Variants in SLC5A1 observed in about 807,000 individuals in gnomAD.
SLC5A1 encodes sodium/glucose cotransporter 1.
In SLC5A1, 42 loss-of-function variants were observed where a neutral mutation model predicts 73.5. The observed-to-expected ratio is 0.57, with a 90% CI of 0.45 to 0.74. The LOEUF is 0.74. Ranked by LOEUF, SLC5A1 falls within the 30% of genes least tolerant of loss-of-function variation. SLC5A1 has a pLI of 0.00. For synonymous variants in SLC5A1, 300 were observed against 317.4 expected (o/e 0.95, Z 0.58); for missense variants, 634 against 855.4 (o/e 0.74, Z 3.23).
intron 5 of SLC5A1, among the ~76,000 whole-genome samples, chr22:32,078,696 T>C (rs550884260): frequency 2.6e-5 from 4 of 152,252 alleles, no homozygotes; most frequent in Admixed American, 2.6e-4. Flanking sequence ...GGCTCAGGCC[T>C]GTAATCCCAG....
In SLC5A1 at chr22:32,112,744, T is replaced by A. The variant is rs1459508646; in HGVS notation, c.*2531T>A. The A allele has an allele frequency of 6.6e-6, 1 of 152,080 alleles. No individual in the cohort carries two copies. The highest frequency in any genetic ancestry group is 2.4e-5 in the African/African-American group (1 of 41,410). 9.4% of individuals were successfully genotyped at this position (152,080 alleles called of 1,614,324 possible). A position where few individuals can be genotyped will look rare whatever the true frequency, so the allele number is the denominator to read the frequency against. ...ATCAAGGGCTGGGGGAGGGAGGGAC[T>A]GGGGAGATGTTGGTCAAATGATACA... On this transcript the variant is annotated 3_prime_UTR_variant, in exon 15 of 15. Coordinates refer to ENST00000266088, the MANE Select transcript of SLC5A1 (RefSeq NM_000343.4).
chr22:32,049,203 A>G (rs986022443), intron 1 of SLC5A1, among the ~76,000 whole-genome samples: 8 of 140,190 alleles, frequency 5.7e-5, no homozygotes, highest in African/African-American at 5.2e-5. Context: ...ATCTATATCT[A>G]TATCTATATC....
intron 10 of SLC5A1, 126 bp downstream of exon 10, chr22:32,086,453 G>T: frequency 1.4e-6 from 1 of 726,530 alleles, no homozygotes; most frequent in Non-Finnish European, 2.5e-6. Context: ...AGAAGGGAAA[G>T]CATCATTGTG....
intron 2 of SLC5A1, 80 bp downstream of exon 2, chr22:32,050,094 G>A: frequency 7.9e-7 from 1 of 1,264,258 alleles, no homozygotes; most frequent in Admixed American, 1.7e-5. Context: ...CTTGGCTTTG[G>A]GTGGTGGTGA....
chr22:32,110,284 G>A lies in SLC5A1; in HGVS notation c.*71G>A. On this transcript the variant is annotated 3_prime_UTR_variant, in exon 15 of 15. Transcript: ENST00000266088. ...CCTTCCTTTAGTCTCGTCCTGTGGTGTTGAAGGGAAATCAGCCAGTTGTAA... is the reference window on the plus strand; with the variant it reads ...CCTTCCTTTAGTCTCGTCCTGTGGTATTGAAGGGAAATCAGCCAGTTGTAA... The A allele has an allele frequency of 8.1e-7, 1 of 1,240,476 alleles. No homozygotes were observed. The highest frequency in any genetic ancestry group is 1.2e-6 in the Non-Finnish European group (1 of 845,152). 76.8% of individuals were successfully genotyped at this position (1,240,476 alleles called of 1,614,324 possible).
intron 2 of SLC5A1, among the ~76,000 whole-genome samples, chr22:32,054,339 T>C (rs1014146027): frequency 6.6e-6 from 1 of 152,200 alleles, no homozygotes; most frequent in African/African-American, 2.4e-5. Context: ...CATGTGCATG[T>C]GTGTGTTTAT....
chr22:32,073,593 G>A (rs975404472), intron 5 of SLC5A1, among the ~76,000 whole-genome samples: 6 of 151,918 alleles, frequency 3.9e-5, no homozygotes, highest in Admixed American at 6.5e-5. Flanking sequence ...TTTCACTCTC[G>A]TTGCCCAGGC....
intron 1 of SLC5A1, among the ~76,000 whole-genome samples, chr22:32,049,717 C>T (rs2093942754): frequency 6.6e-6 from 1 of 152,088 alleles, no homozygotes. Context: ...ACTAGCCCTA[C>T]AGTAAGCTGT....
Position 32,110,133 on chromosome 22 carries a change from C to A in SLC5A1, c.1915C>A (p.Pro639Thr), listed in dbSNP as rs200684333. 1.9e-5 allele frequency: 30 copies of A among 1,614,016 alleles called. No homozygotes were observed. The Admixed American group carries it at 4.7e-4, about 25-fold the overall frequency. ...KMKMTDTSEK[P>T]LWRTVLNVNG... ...GAAGATGACGGACACCTCTGAGAAG[C>A]CTTTGTGGAGGACAGTGTTGAACGT... The change falls in exon 15 of 15, where the codon CCT becomes ACT. Residue 639 changes from proline to threonine, a missense_variant. Coordinates refer to ENST00000266088, the MANE Select transcript of SLC5A1 (RefSeq NM_000343.4).
At chr22:32,095,984 A>C (rs190759155) in intron 11 of SLC5A1, among the ~76,000 whole-genome samples, 96 of 152,242 alleles carry the variant, frequency 6.3e-4, no homozygotes, top group African/African-American at 2.3e-3. Flanking sequence ...CCTTTCCCAC[A>C]TTCACAGTTT....
At chr22:32,066,911 C>G (rs747401826) in intron 2 of SLC5A1, 24 bp from the exon 3 acceptor site, 2 of 1,556,488 alleles carry the variant, frequency 1.3e-6, no homozygotes, top group South Asian at 1.1e-5. Context: ...AGAGCCCTCA[C>G]CTGACTTTCT....
chr22:32,091,843 GT>G (rs1263519752), intron 11 of SLC5A1, 81 bp downstream of exon 11: 2 of 1,414,434 alleles, frequency 1.4e-6, no homozygotes, highest in African/African-American at 2.8e-5. Flanking sequence ...GCTAGGGAAG[GT>G]TGGCAGATGC....
chr22:32,099,376 GA>G (rs759216520), intron 12 of SLC5A1, 25 bp downstream of exon 12: 2 of 1,604,758 alleles, frequency 1.2e-6, no homozygotes, highest in South Asian at 2.2e-5. Context: ...GGCATGTCCA[GA>G]AAAGTCATTC....
Position 32,091,712 on chromosome 22 carries a change from C to T in SLC5A1, c.1230C>T (p.Tyr410=), listed in dbSNP as rs200206252. Residue 410 remains tyrosine, a synonymous_variant, in exon 11 of 15, where the codon TAC becomes TAT. Coordinates refer to ENST00000266088, the MANE Select transcript of SLC5A1 (RefSeq NM_000343.4). Reference sequence around the variant, plus strand: ...GCACCCTCTTCACCATGGACATCTACGCCAAGGTCCGCAAGAGAGCATCTG... The same window carrying T: ...GCACCCTCTTCACCATGGACATCTATGCCAAGGTCCGCAAGAGAGCATCTG... ...SASTLFTMDI[Y]AKVRKRASEK... is the part of the protein sequence containing the mutation. 23 of 1,613,916 alleles carry T rather than the reference C, an allele frequency of 1.4e-5. No homozygotes were observed. Among genetic ancestry groups the T allele is most frequent in the Non-Finnish European group, 1.8e-5 (21 of 1,179,962 alleles).
At chr22:32,056,797 A>G (rs767917956) in intron 2 of SLC5A1, among the ~76,000 whole-genome samples, 8 of 152,292 alleles carry the variant, frequency 5.3e-5, no homozygotes, top group South Asian at 4.2e-4. Context: ...AGCTGACTGC[A>G]TTTTCCATTT....
chr22:32,083,020 T>G, intron 6 of SLC5A1, 54 bp from the exon 7 acceptor site: 1 of 1,519,590 alleles, frequency 6.6e-7, no homozygotes, highest in Non-Finnish European at 9.1e-7. Context: ...AGGAAGCAAG[T>G]AGACAGGTCA....
intron 2 of SLC5A1, among the ~76,000 whole-genome samples, chr22:32,061,085 C>T (rs1031873950): frequency 2.6e-5 from 4 of 152,118 alleles, no homozygotes; most frequent in African/African-American, 7.2e-5. Flanking sequence ...GTCTTTGGTT[C>T]GAGAGACAGA....
At chr22:32,106,519 T>C (rs2094046071) in intron 14 of SLC5A1, among the ~76,000 whole-genome samples, 2 of 152,182 alleles carry the variant, frequency 1.3e-5, no homozygotes, top group Non-Finnish European at 2.9e-5. Context: ...GGAGCTCTTC[T>C]GACATAGCCT....
intron 14 of SLC5A1, among the ~76,000 whole-genome samples, chr22:32,106,110 G>GATT (rs1399888878): frequency 1.1e-4 from 17 of 152,218 alleles, no homozygotes; most frequent in Non-Finnish European, 2.9e-5. Context: ...CCAGCAGTGG[G>GATT]ATTACTGAAT....
Sources: allele counts gnomAD v4.1 joint callset (sites outside exome capture counted in the v4.1 genomes callset), GRCh38; gene constraint gnomAD v4.1.1; transcripts MANE v1.5; gene names NCBI Gene and HGNC (gene_info 2026-07-23, HGNC 2026-07-21).